Variants in WDR41 observed in about 807,000 individuals in gnomAD.
WDR41 encodes WD repeat-containing protein 41.
In WDR41, 63 loss-of-function variants were observed where a neutral mutation model predicts 69.3. That is an observed-to-expected ratio of 0.91 (90% CI 0.74 to 1.12). The LOEUF (loss-of-function observed/expected upper bound fraction) is 1.12, where lower values mean the gene tolerates loss of function less well. Ranked by LOEUF, WDR41 falls within the 50% of genes most tolerant of loss-of-function variation. The probability of loss-of-function intolerance (pLI) is 0.00; values close to 1 mark genes in which losing one functional copy is unlikely to be tolerated. For synonymous variants in WDR41, 185 were observed against 192.1 expected (o/e 0.96, Z 0.31); for missense variants, 543 against 534.5 (o/e 1.02, Z -0.16).
At chr5:77,582,959 A>G (rs1414685195) in intron 1 of WDR41, 1 of 1,608,344 alleles carries the variant, frequency 6.2e-7, no homozygotes, top group East Asian at 2.2e-5. Flanking sequence ...CATGAGATCT[A>G]TACTGTTGGA....
chr5:77,500,001 C>G (rs1801993103), intron 1 of WDR41, among the ~76,000 whole-genome samples: 1 of 152,092 alleles, frequency 6.6e-6, no homozygotes, highest in Non-Finnish European at 1.5e-5. Flanking sequence ...GACTTAAAAC[C>G]AAGTTTCATA....
chr5:77,568,731 G>A (rs769273090), intron 1 of WDR41, among the ~76,000 whole-genome samples: 15 of 152,128 alleles, frequency 9.9e-5, no homozygotes, highest in Non-Finnish European at 1.8e-4. Flanking sequence ...GTAGATAGGA[G>A]TCAAATGATA....
At chr5:77,510,589 C>G (rs971160741) in intron 1 of WDR41, among the ~76,000 whole-genome samples, 2 of 151,954 alleles carry the variant, frequency 1.3e-5, no homozygotes, top group Admixed American at 6.6e-5. Flanking sequence ...GTTTCCATGC[C>G]TTTCTACTAT....
chr5:77,547,031 A>G (rs998803377), intron 1 of WDR41, among the ~76,000 whole-genome samples: 2 of 152,174 alleles, frequency 1.3e-5, no homozygotes, highest in Admixed American at 6.5e-5. Flanking sequence ...TCACATGATC[A>G]TCTCAATAGA....
chr5:77,606,784 A>T (rs1434681347), intron 1 of WDR41, among the ~76,000 whole-genome samples: 2 of 152,006 alleles, frequency 1.3e-5, no homozygotes, highest in African/African-American at 4.8e-5. Flanking sequence ...GCCTACATGG[A>T]AGAGTGAGAC....
chr5:77,559,449 G>A (rs1174079578), intron 1 of WDR41, among the ~76,000 whole-genome samples: 1 of 152,050 alleles, frequency 6.6e-6, no homozygotes, highest in Non-Finnish European at 1.5e-5. Flanking sequence ...CAAAATTCTT[G>A]AAGCTGCTTT....
intron 1 of WDR41, among the ~76,000 whole-genome samples, chr5:77,553,063 G>A (rs1421561151): frequency 6.6e-6 from 1 of 152,124 alleles, no homozygotes; most frequent in Non-Finnish European, 1.5e-5. Flanking sequence ...AATTAGAAAT[G>A]TTTGTTCTGT....
chr5:77,479,584 A>G (rs1227747900), intron 2 of WDR41, among the ~76,000 whole-genome samples: 3 of 152,332 alleles, frequency 2.0e-5, no homozygotes, highest in Admixed American at 6.5e-5. Context: ...ACGATTCCCT[A>G]TTTAATAAAT....
chr5:77,491,933 G>C (rs1309925202), intron 1 of WDR41: 5 of 524,610 alleles, frequency 9.5e-6, no homozygotes, highest in Non-Finnish European at 1.7e-5. Flanking sequence ...GCTAGCCGTG[G>C]GACGGGGCCG....
intron 1 of WDR41, among the ~76,000 whole-genome samples, chr5:77,509,759 G>T (rs1015282130): frequency 3.3e-5 from 5 of 152,148 alleles, no homozygotes; most frequent in Non-Finnish European, 1.5e-5. Flanking sequence ...ACCTAAAATT[G>T]ACTATGGTAA....
chr5:77,543,823 A>G (rs967851459), intron 1 of WDR41, among the ~76,000 whole-genome samples: 4 of 152,156 alleles, frequency 2.6e-5, no homozygotes, highest in Non-Finnish European at 4.4e-5. Flanking sequence ...GAAATTCATC[A>G]CAAAAAGATC....
chr5:77,484,249 A>T (rs1801411107), intron 2 of WDR41, among the ~76,000 whole-genome samples: 1 of 152,206 alleles, frequency 6.6e-6, no homozygotes, highest in African/African-American at 2.4e-5. Context: ...ACACAAGCTG[A>T]AAGGACAAAA....
intron 2 of WDR41, among the ~76,000 whole-genome samples, chr5:77,472,843 G>A (rs1159866322): frequency 1.3e-5 from 2 of 151,994 alleles, no homozygotes; most frequent in African/African-American, 4.8e-5. Context: ...TGGCCATACT[G>A]CCCAAGGTAA....
At chr5:77,497,642 G>A (rs550790042) in intron 1 of WDR41, among the ~76,000 whole-genome samples, 11 of 151,654 alleles carry the variant, frequency 7.3e-5, no homozygotes, top group African/African-American at 1.7e-4. Context: ...CTTGTGCATC[G>A]TTAATAGAAA....
At chr5:77,470,997 T>G (rs1246144421) in intron 2 of WDR41, among the ~76,000 whole-genome samples, 2 of 152,148 alleles carry the variant, frequency 1.3e-5, no homozygotes, top group Admixed American at 1.3e-4. Context: ...CACACCACAC[T>G]TATTTCAATA....
At chr5:77,464,688 G>A (rs1800222878) in intron 3 of WDR41, 73 bp downstream of exon 3, 1 of 1,437,114 alleles carries the variant, frequency 7.0e-7, no homozygotes, top group East Asian at 2.3e-5. Context: ...TCCCCAGATA[G>A]TATTTATATG....
chr5:77,581,407 T>G (rs1011758489), intron 1 of WDR41, among the ~76,000 whole-genome samples: 1 of 152,250 alleles, frequency 6.6e-6, no homozygotes, highest in African/African-American at 2.4e-5. Context: ...CAATTATAAC[T>G]GGAGGTTTCA....
intron 2 of WDR41, among the ~76,000 whole-genome samples, chr5:77,474,203 C>G (rs1293300843): frequency 2.0e-5 from 3 of 151,998 alleles, no homozygotes; most frequent in Admixed American, 6.6e-5. Context: ...CCAAACACCG[C>G]ATGTTCTCAC....
At chr5:77,532,688 T>C (rs116447972) in intron 1 of WDR41, among the ~76,000 whole-genome samples, 3,449 of 151,338 alleles carry the variant, frequency 0.023, 110 homozygotes, top group African/African-American at 0.076. Flanking sequence ...TAATAGCAAA[T>C]GAAAGAAGAA....
Sources: gnomAD v4.1 joint callset for allele counts (sites outside exome capture counted in the v4.1 genomes callset) on GRCh38, gnomAD v4.1.1 for gene constraint, MANE v1.5 for transcripts, NCBI Gene and HGNC (gene_info 2026-07-23, HGNC 2026-07-21) for gene names.